PGBD5: variants seen among roughly 807,000 people sequenced by gnomAD.
PGBD5 encodes the protein piggyBac transposable element-derived protein 5.
Under a neutral mutation model 47.9 loss-of-function variants are expected in PGBD5, and 14 were observed. The observed-to-expected ratio is 0.29, with a 90% confidence interval of 0.19 to 0.46. The LOEUF (loss-of-function observed/expected upper bound fraction) is 0.46. Among genes scored for constraint, PGBD5 ranks in the 20% least tolerant of loss-of-function variants. PGBD5 has a pLI of 1.00. For missense variants in PGBD5, 635 were observed against 716.0 expected, an observed-to-expected ratio of 0.89 and a Z score of 1.29; for synonymous variants, 316 against 306.3, an observed-to-expected ratio of 1.03 and a Z score of -0.33.
Position 230,316,154 on chromosome 1 carries a change from ATATG to A in PGBD5, c.*7267_*7270del, listed in dbSNP as rs1325430237. On this transcript the variant is annotated 3_prime_UTR_variant, in exon 7 of 7. Coordinates refer to ENST00000391860, the MANE Select transcript of PGBD5 (RefSeq NM_001258311.2). Reference sequence around the variant, plus strand: ...CATACATATGTATATGTGTACACATATATGTATGTGTATACATACATACGTACAC... The same window carrying A: ...CATACATATGTATATGTGTACACATATATGTGTATACATACATACGTACAC... 1 of 147,844 alleles carries A rather than the reference ATATG, an allele frequency of 6.8e-6. No homozygotes were observed. The highest frequency in any genetic ancestry group is 1.5e-5 in the Non-Finnish European group (1 of 67,158). The allele number at this position is 147,844 out of a possible 1,614,324, so 9.2% of individuals were successfully genotyped here. A position where few individuals can be genotyped will look rare whatever the true frequency, so the allele number is the denominator to read the frequency against.
chr1:230,398,118 C>T (rs1657044863), intron 1 of PGBD5, among the ~76,000 whole-genome samples: 1 of 152,210 alleles, frequency 6.6e-6, no homozygotes, highest in Non-Finnish European at 1.5e-5. Flanking sequence ...GCTGAGACCG[C>T]TCCATCTGAA....
At chr1:230,364,551 G>A (rs374606030) in intron 1 of PGBD5, among the ~76,000 whole-genome samples, 61 of 152,368 alleles carry the variant, frequency 4.0e-4, no homozygotes, top group Middle Eastern at 3.4e-3. Flanking sequence ...TACACTCTGC[G>A]TGCATGTGCA....
chr1:230,352,655 A>AG (rs1667576469), intron 2 of PGBD5, among the ~76,000 whole-genome samples: 1 of 152,114 alleles, frequency 6.6e-6, no homozygotes, highest in Non-Finnish European at 1.5e-5. Flanking sequence ...TGTCTTGTGA[A>AG]GGGGAAGGCT....
chr1:230,349,534 CAAAA>C (rs11446040), intron 3 of PGBD5, among the ~76,000 whole-genome samples: 94 of 83,662 alleles, frequency 1.1e-3, no homozygotes, highest in African/African-American at 3.7e-3. Flanking sequence ...GACCCCGTCT[CAAAA>C]AAAAAAAAAA....
At position 230,323,945 on chromosome 1, in the gene PGBD5, C is replaced by CT. The variant is rs1667076670; in HGVS notation, c.1380-326dup. 6.6e-6 allele frequency among the ~76,000 whole-genome samples: 1 copy of CT among 152,246 alleles called. No homozygotes were observed. Among genetic ancestry groups the CT allele is most frequent in the African/African-American group, 2.4e-5 (1 of 41,470 alleles). ...CCTGCCAGCCTCTCCAGCTTCCCTG[C>CT]TTGCTGAATGCTCCTTGCAAAGCTG... On this transcript the variant is annotated intron_variant, in intron 6 of 6. Transcript: ENST00000391860. The surrounding 1 kb of genome is among the most constrained non-coding windows in gnomAD (Gnocchi z 4.1).
chr1:230,336,986 C>T, intron 4 of PGBD5, 122 bp downstream of exon 4: 1 of 1,101,682 alleles, frequency 9.1e-7, no homozygotes, highest in Non-Finnish European at 1.3e-6. Flanking sequence ...GGAAGGGCCT[C>T]ATCACCTGGC....
In PGBD5 at chr1:230,322,386, G is replaced by C. The variant is rs1236033219; in HGVS notation, c.*1039C>G. ...ACTCTGAGCAGGCAAACACTGCCAGGGTCACTCACTACACACAGAGGAAAG... is the reference window on the plus strand; with the variant it reads ...ACTCTGAGCAGGCAAACACTGCCAGCGTCACTCACTACACACAGAGGAAAG... On this transcript the variant is annotated 3_prime_UTR_variant, in exon 7 of 7. Coordinates refer to ENST00000391860, the MANE Select transcript of PGBD5 (RefSeq NM_001258311.2). This position sits in a 1 kb window ranked among gnomAD's most constrained non-coding sequence, Gnocchi z 5.9. 1.3e-5 allele frequency: 2 copies of C among 152,252 alleles called. No homozygotes were observed. Among genetic ancestry groups the C allele is most frequent in the African/African-American group, 4.8e-5 (2 of 41,454 alleles). 9.4% of individuals were successfully genotyped at this position (152,252 alleles called of 1,614,324 possible). A position where few individuals can be genotyped will look rare whatever the true frequency, so the allele number is the denominator to read the frequency against.
intron 3 of PGBD5, among the ~76,000 whole-genome samples, chr1:230,343,814 G>C (rs1053583729): frequency 1.3e-5 from 2 of 152,226 alleles, no homozygotes. Context: ...ACACTTTAGT[G>C]CACCTTCTTT....
rs753718734 is a variant in PGBD5, at chr1:230,332,880, G to A, written c.1237C>T (p.Arg413Cys). 5 of 1,614,192 alleles carry A rather than the reference G, an allele frequency of 3.1e-6. No individual in the cohort carries two copies. The highest frequency in any genetic ancestry group is 1.7e-5 in the Admixed American group (1 of 60,026). Residue 413 changes from arginine (R) to cysteine (C), a missense_variant, in exon 5 of 7, where the codon CGC (arginine) becomes TGC (cysteine). Arg to Cys is a radical substitution (Grantham distance 180, BLOSUM62 -3). Transcript: ENST00000391860. ...GGGGAGTAGGCGTTGGTCAGGAAGC[G>A]GAAGTGTCCTTTGTTGTACCAGCAG... ...LICWYNKGHF[R>C]FLTNAYSPVQ... is the part of the protein sequence containing the mutation.
chr1:230,406,759 G>A (rs1657306570), intron 1 of PGBD5, among the ~76,000 whole-genome samples: 2 of 152,034 alleles, frequency 1.3e-5, no homozygotes, highest in Admixed American at 1.3e-4. Context: ...TCTTCATCTG[G>A]TGATGATGAG....
At chr1:230,423,396 C>T (rs963575326) in intron 1 of PGBD5, among the ~76,000 whole-genome samples, 1 of 152,178 alleles carries the variant, frequency 6.6e-6, no homozygotes, top group Admixed American at 6.5e-5. Context: ...GGGGAGCGCA[C>T]GCTTGTCGTA....
At chr1:230,416,096 T>C (rs533689606) in intron 1 of PGBD5, among the ~76,000 whole-genome samples, 146 of 152,318 alleles carry the variant, frequency 9.6e-4, no homozygotes, top group African/African-American at 3.5e-3. Context: ...TCCCTGTAAA[T>C]TCCTCATAGA....
intron 1 of PGBD5, among the ~76,000 whole-genome samples, chr1:230,372,659 G>T (rs1667947500): frequency 6.6e-6 from 1 of 152,222 alleles, no homozygotes; most frequent in Non-Finnish European, 1.5e-5. Flanking sequence ...AGCCTCCTTA[G>T]AGATGTTCTC....
In PGBD5 at chr1:230,314,515, G is replaced by T. The variant is rs1321932912; in HGVS notation, c.*8910C>A. Reference sequence around the variant, plus strand: ...CAGATGTATTTGACTGTATTTCAAAGGCAGTGACTGTAAACAAACTTGGTT... The same window carrying T: ...CAGATGTATTTGACTGTATTTCAAATGCAGTGACTGTAAACAAACTTGGTT... On this transcript the variant is annotated 3_prime_UTR_variant, in exon 7 of 7. Transcript: ENST00000391860. The T allele has an allele frequency of 2.7e-5, 4 of 150,666 alleles. No individual in the cohort carries two copies. The highest frequency in any genetic ancestry group is 9.7e-5 in the African/African-American group (4 of 41,074). 9.3% of individuals were successfully genotyped at this position (150,666 alleles called of 1,614,324 possible).
chr1:230,372,586 C>T (rs1022716015), intron 1 of PGBD5, among the ~76,000 whole-genome samples: 2 of 152,206 alleles, frequency 1.3e-5, no homozygotes, highest in Admixed American at 1.3e-4. Context: ...TGGAAACCCT[C>T]CAACTGATGT....
intron 3 of PGBD5, among the ~76,000 whole-genome samples, chr1:230,344,703 G>A (rs1401612842): frequency 6.6e-6 from 1 of 152,184 alleles, no homozygotes; most frequent in African/African-American, 2.4e-5. Flanking sequence ...TGTGCAGGGG[G>A]TAGGAAGCAC....
chr1:230,366,681 G>A (rs543870651), intron 1 of PGBD5, among the ~76,000 whole-genome samples: 4 of 152,242 alleles, frequency 2.6e-5, no homozygotes, highest in African/African-American at 9.6e-5. Flanking sequence ...AATGAAGACA[G>A]CCATGGTGTG....
At chr1:230,352,446 A>G (rs1667573503) in intron 2 of PGBD5, among the ~76,000 whole-genome samples, 1 of 152,118 alleles carries the variant, frequency 6.6e-6, no homozygotes. Flanking sequence ...GATACTTACC[A>G]TGTGTGATGT....
chr1:230,377,788 T>C (rs1668036956), intron 1 of PGBD5: 1 of 1,200,096 alleles, frequency 8.3e-7, no homozygotes, highest in Non-Finnish European at 1.1e-6. Flanking sequence ...GCTCATACAT[T>C]TGGGATAAGC....
Sources: gnomAD v4.1 joint callset for allele counts (sites outside exome capture counted in the v4.1 genomes callset) on GRCh38, gnomAD v4.1.1 for gene constraint, Gnocchi (gnomAD v3.1) non-coding constraint, MANE v1.5 for transcripts, NCBI Gene and HGNC (gene_info 2026-07-23, HGNC 2026-07-21) for gene names.